VPS4B: variants seen among roughly 807,000 people sequenced by gnomAD.
VPS4B encodes the protein vacuolar protein sorting-associated protein 4B.
In VPS4B, 23 loss-of-function variants were observed where a neutral mutation model predicts 56.1. That is an observed-to-expected ratio of 0.41 (90% CI 0.30 to 0.58). VPS4B has a LOEUF of 0.58. Among genes scored for constraint, VPS4B ranks in the 20% least tolerant of loss-of-function variants. The pLI is 0.29. For synonymous variants in VPS4B, 177 were observed against 186.0 expected, an observed-to-expected ratio of 0.95 and a Z score of 0.39; for missense variants, 372 against 531.9, an observed-to-expected ratio of 0.70 and a Z score of 2.96.
At chr18:63,391,779 A>G (rs1277257218) in intron 10 of VPS4B, among the ~76,000 whole-genome samples, 3 of 152,242 alleles carry the variant, frequency 2.0e-5, no homozygotes, top group Non-Finnish European at 4.4e-5. Context: ...CTTACACTTA[A>G]GTGAAGCAGA....
intron 10 of VPS4B, among the ~76,000 whole-genome samples, 192 bp downstream of exon 10, chr18:63,393,217 C>T (rs985445016): frequency 1.3e-5 from 2 of 151,908 alleles, no homozygotes; most frequent in African/African-American, 2.4e-5. Context: ...TCCTCTAAAC[C>T]CAAGAAAATA....
intron 9 of VPS4B, among the ~76,000 whole-genome samples, chr18:63,394,533 G>A: frequency 6.6e-6 from 1 of 151,230 alleles, no homozygotes; most frequent in African/African-American, 2.4e-5. Flanking sequence ...GTGGTGCGAT[G>A]TCAGCTCACT....
chr18:63,403,913 G>A (rs1915863939), intron 4 of VPS4B, 87 bp from the exon 5 acceptor site: 12 of 1,436,254 alleles, frequency 8.4e-6, no homozygotes, highest in South Asian at 2.8e-5. Flanking sequence ...TTAAAGAAAC[G>A]CATTATAAAA....
intron 3 of VPS4B, among the ~76,000 whole-genome samples, 157 bp downstream of exon 3, chr18:63,410,133 G>T (rs1916002761): frequency 6.6e-6 from 1 of 152,178 alleles, no homozygotes; most frequent in Non-Finnish European, 1.5e-5. Context: ...TAAAAGAATG[G>T]GCACGGCTGT....
chr18:63,422,039 C>G (rs1242704936), intron 1 of VPS4B, among the ~76,000 whole-genome samples, 194 bp downstream of exon 1: 1 of 152,172 alleles, frequency 6.6e-6, no homozygotes, highest in Non-Finnish European at 1.5e-5. Context: ...TCGGGAGACC[C>G]CAAGAGCGGG....
At chr18:63,393,336 A>T in intron 10 of VPS4B, 73 bp downstream of exon 10, 2 of 1,378,730 alleles carry the variant, frequency 1.5e-6, no homozygotes, top group Non-Finnish European at 1.9e-6. Context: ...TTTTCCAGCA[A>T]ATCTTATATA....
chr18:63,412,469 G>C (rs1268220403), intron 1 of VPS4B, among the ~76,000 whole-genome samples: 1 of 151,822 alleles, frequency 6.6e-6, no homozygotes, highest in Non-Finnish European at 1.5e-5. Context: ...TTTTTAAAAA[G>C]TCCCAGAAAT....
chr18:63,392,197 AT>A (rs1384338476), intron 10 of VPS4B, among the ~76,000 whole-genome samples: 2 of 152,198 alleles, frequency 1.3e-5, no homozygotes, highest in South Asian at 2.1e-4. Context: ...CTGACAGAAA[AT>A]TTTGAAAACT....
intron 3 of VPS4B, among the ~76,000 whole-genome samples, chr18:63,410,058 A>G (rs1915999956): frequency 1.3e-5 from 2 of 152,184 alleles, no homozygotes; most frequent in African/African-American, 4.8e-5. Flanking sequence ...CGTGGGCCAT[A>G]CGGTCTCCAC....
chr18:63,396,044 C>T (rs1312245598), intron 9 of VPS4B, among the ~76,000 whole-genome samples: 1 of 152,154 alleles, frequency 6.6e-6, no homozygotes, highest in African/African-American at 2.4e-5. Context: ...AACACAGTGC[C>T]AGGCATGTGA....
intron 6 of VPS4B, 129 bp downstream of exon 6, chr18:63,400,418 G>A (rs753094564): frequency 1.1e-4 from 130 of 1,154,126 alleles, no homozygotes; most frequent in Non-Finnish European, 1.4e-4. Context: ...AGACTGATTT[G>A]ACAGAGAAGT....
intron 10 of VPS4B, among the ~76,000 whole-genome samples, chr18:63,392,441 T>A (rs1403778130): frequency 2.0e-5 from 3 of 152,142 alleles, no homozygotes; most frequent in Non-Finnish European, 4.4e-5. Context: ...TATTTCTGGT[T>A]TTTGTTTTTG....
intron 3 of VPS4B, among the ~76,000 whole-genome samples, chr18:63,409,342 C>A (rs2062375867): frequency 6.6e-6 from 1 of 152,204 alleles, no homozygotes; most frequent in African/African-American, 2.4e-5. Context: ...CAAAGCACTG[C>A]CTAAAAGGCA....
chr18:63,399,750 G>A (rs975026740), intron 7 of VPS4B, among the ~76,000 whole-genome samples: 6 of 151,692 alleles, frequency 4.0e-5, no homozygotes, highest in Non-Finnish European at 8.8e-5. Context: ...CAATTGGAAT[G>A]AAACATGGCA....
In VPS4B at chr18:63,400,612, G is replaced by C. The variant is rs1408021325; in HGVS notation, c.576C>G (p.Asn192Lys). Residue 192 changes from asparagine (N) to lysine (K), a missense_variant, in exon 6 of 11, where the codon AAC becomes AAG. By Grantham distance (94) the Asn-to-Lys change is moderately conservative. This residue lies in a region of VPS4B where 66 missense variants were observed against 150.7 expected (regional missense o/e 0.44). Coordinates refer to ENST00000238497, the MANE Select transcript of VPS4B (RefSeq NM_004869.4). ...AAGATATTGAAAAAAATGTTGAGTT[G>C]TTGGCTTCTGTTGCTACAGCTTTGG... ...YLAKAVATEA[N>K]NSTFFSISSS... 1 of 1,610,390 alleles carries C rather than the reference G, an allele frequency of 6.2e-7. No individual in the cohort carries two copies. Among genetic ancestry groups the C allele is most frequent in the Non-Finnish European group, 8.5e-7 (1 of 1,178,994 alleles).
chr18:63,399,119 G>A, intron 8 of VPS4B, 123 bp downstream of exon 8: 3 of 817,916 alleles, frequency 3.7e-6, no homozygotes, highest in South Asian at 1.7e-5. Context: ...GAGCAACAGG[G>A]TTAGAGCACA....
At chr18:63,421,816 C>A (rs1599370150) in intron 1 of VPS4B, among the ~76,000 whole-genome samples, 1 of 152,206 alleles carries the variant, frequency 6.6e-6, no homozygotes. Context: ...TCTCTACTCA[C>A]CTGACAGCTC....
chr18:63,392,750 A>AT (rs1220635773), intron 10 of VPS4B, among the ~76,000 whole-genome samples: 16 of 69,682 alleles, frequency 2.3e-4, no homozygotes, highest in African/African-American at 8.1e-4. Flanking sequence ...ACCTGGCCCT[A>AT]TTTTTTGTTT....
intron 9 of VPS4B, chr18:63,396,709 A>C (rs1437857437): frequency 4.0e-6 from 1 of 251,482 alleles, no homozygotes; most frequent in Non-Finnish European, 7.7e-6. Flanking sequence ...GATTTTAAAA[A>C]TACAGGAAAA....
Sources: allele counts gnomAD v4.1 joint callset (sites outside exome capture counted in the v4.1 genomes callset), GRCh38; gene constraint gnomAD v4.1.1; regional missense constraint gnomAD v4.1.1; transcripts MANE v1.5; gene names NCBI Gene and HGNC (gene_info 2026-07-23, HGNC 2026-07-21).